Variants in CTSO observed in about 807,000 individuals in gnomAD.
CTSO encodes the protein cathepsin O.
CTSO carries 40 observed loss-of-function variants against 42.4 expected under a neutral mutation model. That is an observed-to-expected ratio of 0.94 (90% confidence interval 0.73 to 1.23). The LOEUF (loss-of-function observed/expected upper bound fraction) is 1.23, where lower values mean the gene tolerates loss of function less well. Among genes scored for constraint, CTSO ranks in the 50% most tolerant of loss-of-function variants. The probability of loss-of-function intolerance (pLI) is 0.00; values close to 1 mark genes in which losing one functional copy is unlikely to be tolerated. For synonymous variants in CTSO, 156 were observed against 146.2 expected (o/e 1.07, Z -0.48); for missense variants, 441 against 396.0 (o/e 1.11, Z -0.96).
intron 7 of CTSO, among the ~76,000 whole-genome samples, chr4:155,926,509 G>T (rs984573885): frequency 6.6e-6 from 1 of 152,086 alleles, no homozygotes; most frequent in South Asian, 2.1e-4. Flanking sequence ...CTTTACACAC[G>T]AGAACACAGA....
rs1336090350 is a variant in CTSO at position 155,924,924 on chromosome 4, AG to A, written c.*1111del. 1.2e-4 allele frequency: 19 copies of A among 152,524 alleles called. No individual in the cohort carries two copies. The highest frequency in any genetic ancestry group is 4.6e-4 in the African/African-American group (19 of 41,452). 9.4% of individuals were successfully genotyped at this position (152,524 alleles called of 1,614,324 possible). On this transcript the variant is annotated 3_prime_UTR_variant, in exon 8 of 8. Transcript: ENST00000433477. ...AAGAGAAAGAACAAGAGGTGCACAA[AG>A]AAGCAGTTCGGATGGGAGACCAGGA...
rs537119385 is a variant in CTSO at position 155,938,831 on chromosome 4, C to T, written c.552+540G>A. Among the ~76,000 whole-genome samples the T allele has an allele frequency of 1.4e-3, 220 of 152,156 alleles. 1 individual carries two copies. Among genetic ancestry groups the T allele is most frequent in the African/African-American group, 4.0e-3 (167 of 41,532 alleles). On this transcript the variant is annotated intron_variant, in intron 4 of 7. Coordinates refer to ENST00000433477, the MANE Select transcript of CTSO (RefSeq NM_001334.3). ...ATTAGCCAAGTGTGGTGGTGGGCAC[C>T]TATAGTTCCCAGCTACTCCGGAGGC...
At chr4:155,931,864 T>C (rs952173391) in intron 5 of CTSO, among the ~76,000 whole-genome samples, 7 of 151,304 alleles carry the variant, frequency 4.6e-5, no homozygotes, top group Non-Finnish European at 4.4e-5. Flanking sequence ...ATTATTATAA[T>C]GAATGGAATA....
chr4:155,936,345 G>A (rs1458047939), intron 5 of CTSO, among the ~76,000 whole-genome samples: 1 of 152,104 alleles, frequency 6.6e-6, no homozygotes, highest in African/African-American at 2.4e-5. Flanking sequence ...ATTTAAACGG[G>A]TACATTTTGT....
intron 5 of CTSO, among the ~76,000 whole-genome samples, chr4:155,935,614 TCCTC>T: frequency 6.6e-6 from 1 of 152,200 alleles, no homozygotes; most frequent in Middle Eastern, 3.4e-3. Context: ...TCGTTTCTCT[TCCTC>T]CCACTGTTTT....
intron 1 of CTSO, among the ~76,000 whole-genome samples, chr4:155,946,859 A>AT (rs1309492311): frequency 7.2e-5 from 11 of 151,964 alleles, no homozygotes; most frequent in Middle Eastern, 3.2e-3. Context: ...CGTAATAATA[A>AT]TAATTATTAT....
Position 155,937,496 on chromosome 4 carries a change from A to C in CTSO, c.553-13T>G. ...GTTTTACTTGCATCTAAAAGAAAAC[A>C]ATCACTGAACATGTTTACTGTCAAT... On this transcript the variant is annotated splice_polypyrimidine_tract_variant and intron_variant, in intron 4 of 7. Coordinates refer to ENST00000433477, the MANE Select transcript of CTSO (RefSeq NM_001334.3). The C allele has an allele frequency of 1.9e-6, 3 of 1,611,126 alleles. No individual in the cohort carries two copies. The highest frequency in any genetic ancestry group is 2.5e-6 in the Non-Finnish European group (3 of 1,177,786).
chr4:155,942,278 T>A, intron 3 of CTSO, 39 bp downstream of exon 3: 6 of 1,508,624 alleles, frequency 4.0e-6, no homozygotes, highest in Non-Finnish European at 5.3e-6. Context: ...TGCCTTTCAA[T>A]GCTTAGATGA....
intron 3 of CTSO, among the ~76,000 whole-genome samples, chr4:155,942,077 G>A (rs147006329): frequency 6.6e-6 from 1 of 152,312 alleles, no homozygotes; most frequent in East Asian, 1.9e-4. Flanking sequence ...TATTGTGTTG[G>A]TGGCAATGGC....
intron 3 of CTSO, among the ~76,000 whole-genome samples, chr4:155,941,861 G>A (rs1579345768): frequency 6.6e-6 from 1 of 152,136 alleles, no homozygotes; most frequent in African/African-American, 2.4e-5. Flanking sequence ...GAGAACCCAG[G>A]AGATTCGGCC....
At position 155,942,431 on chromosome 4, in the gene CTSO, G is replaced by T; in HGVS notation, c.270C>A (p.Ser90=). The T allele has an allele frequency of 6.5e-7, 1 of 1,542,726 alleles. No individual in the cohort carries two copies. The highest frequency in any genetic ancestry group is 8.7e-7 in the Non-Finnish European group (1 of 1,145,230). Residue 90 remains serine, a synonymous_variant, in exon 3 of 8, where the codon TCC becomes TCA. Coordinates refer to ENST00000433477, the MANE Select transcript of CTSO (RefSeq NM_001334.3). ...CTTCTGCTGAGTATCTGGGAAACTT[G>T]GAAGGTTTGCTTCTTAAATAAATGG... ...FKAIYLRSKP[S]KFPRYSAEVH... is the part of the protein sequence containing the mutation.
chr4:155,948,373 T>TTGTG (rs55984712), intron 1 of CTSO, among the ~76,000 whole-genome samples: 2,189 of 151,074 alleles, frequency 0.014, 48 homozygotes, highest in African/African-American at 0.051. Flanking sequence ...AAAGCTGCCT[T>TTGTG]TGTGTGTGTG....
chr4:155,947,982 T>G (rs1354301583), intron 1 of CTSO, among the ~76,000 whole-genome samples: 2 of 152,200 alleles, frequency 1.3e-5, no homozygotes, highest in African/African-American at 2.4e-5. Context: ...TGTTTAAAAA[T>G]TAGATCTTAC....
intron 5 of CTSO, among the ~76,000 whole-genome samples, chr4:155,932,178 G>T (rs947456876): frequency 2.0e-5 from 3 of 152,058 alleles, no homozygotes; most frequent in Non-Finnish European, 4.4e-5. Context: ...TTAAAATTAG[G>T]TTATGTTTTT....
At chr4:155,953,055 AT>A (rs1390066614) in intron 1 of CTSO, among the ~76,000 whole-genome samples, 1 of 149,982 alleles carries the variant, frequency 6.7e-6, no homozygotes, top group Non-Finnish European at 1.5e-5. Context: ...CTAAGTATTT[AT>A]TATAAATATT....
chr4:155,941,219 T>C (rs1426023193), intron 3 of CTSO, among the ~76,000 whole-genome samples: 4 of 152,254 alleles, frequency 2.6e-5, no homozygotes, highest in Non-Finnish European at 4.4e-5. Context: ...AGGTTTCCAC[T>C]GCAGACAAAC....
intron 4 of CTSO, among the ~76,000 whole-genome samples, chr4:155,938,947 A>T (rs1332576145): frequency 6.6e-6 from 1 of 151,866 alleles, no homozygotes; most frequent in African/African-American, 2.4e-5. Context: ...ACAGAGTGAG[A>T]CTCTGTCTCA....
At chr4:155,952,879 T>A (rs937284979) in intron 1 of CTSO, among the ~76,000 whole-genome samples, 1 of 152,128 alleles carries the variant, frequency 6.6e-6, no homozygotes, top group African/African-American at 2.4e-5. Context: ...ATCATGATAA[T>A]GGCATCTTTC....
At chr4:155,940,529 G>A (rs1469515594) in intron 3 of CTSO, among the ~76,000 whole-genome samples, 2 of 152,118 alleles carry the variant, frequency 1.3e-5, no homozygotes, top group African/African-American at 2.4e-5. Flanking sequence ...CTCACTAAGT[G>A]ACCATACAGC....
Sources: allele counts gnomAD v4.1 joint callset (sites outside exome capture counted in the v4.1 genomes callset), GRCh38; gene constraint gnomAD v4.1.1; transcripts MANE v1.5; gene names NCBI Gene and HGNC (gene_info 2026-07-23, HGNC 2026-07-21).